Variants in TBCD observed in about 807,000 individuals in gnomAD.
TBCD encodes tubulin-specific chaperone D.
Under a neutral mutation model 169.3 loss-of-function variants are expected in TBCD, and 105 were observed. The observed-to-expected ratio is 0.62, with a 90% CI of 0.53 to 0.73. TBCD has a LOEUF of 0.73. Ranked by LOEUF, TBCD falls within the 30% of genes least tolerant of loss-of-function variation. The pLI, the probability that TBCD is intolerant of heterozygous loss-of-function variation, is 0.00. For synonymous variants in TBCD, 700 were observed against 643.9 expected, an observed-to-expected ratio of 1.09 and a Z score of -1.32; for missense variants, 1,444 against 1,600.1, an observed-to-expected ratio of 0.90 and a Z score of 1.66.
rs2048138638 is a variant in TBCD, at chr17:82,768,505, T to A, written c.521T>A (p.Leu174His). ...PFDFSRLDGN[L>H]LTQPGQARMS... Reference sequence around the variant, plus strand: ...GATTTTTCTCGCCTTGACGGGAACCTCCTCACCCAGCCTGGGCAAGCACGA... The same window carrying A: ...GATTTTTCTCGCCTTGACGGGAACCACCTCACCCAGCCTGGGCAAGCACGA... Residue 174 changes from leucine to histidine, a missense_variant, in exon 5 of 39, where the codon CTC becomes CAC. Leu to His is a moderately conservative substitution (Grantham distance 99). Transcript: ENST00000355528. 1.2e-6 allele frequency: 2 copies of A among 1,613,708 alleles called. No individual in the cohort carries two copies. The highest frequency in any genetic ancestry group is 1.7e-6 in the Non-Finnish European group (2 of 1,179,776).
chr17:82,808,566 G>A (rs1280828907), intron 11 of TBCD, among the ~76,000 whole-genome samples: 2 of 127,336 alleles, frequency 1.6e-5, no homozygotes, highest in African/African-American at 6.1e-5. Flanking sequence ...CCTGGGGGGC[G>A]GGTTGGCCCC....
At chr17:82,936,048 T>G (rs1445010965) in intron 34 of TBCD, among the ~76,000 whole-genome samples, 2 of 152,276 alleles carry the variant, frequency 1.3e-5, no homozygotes, top group African/African-American at 4.8e-5. Context: ...GAGTGTTACC[T>G]CTGAGTCTGC....
intron 13 of TBCD, chr17:82,838,633 C>T: frequency 1.0e-6 from 1 of 985,396 alleles, no homozygotes; most frequent in Non-Finnish European, 1.2e-6. Flanking sequence ...GTGAGTTTTA[C>T]TCCAATTGAG....
At chr17:82,916,041 C>T (rs140827787) in intron 23 of TBCD, among the ~76,000 whole-genome samples, 363 of 152,288 alleles carry the variant, frequency 2.4e-3, no homozygotes, top group Non-Finnish European at 4.0e-3. Context: ...TGTACAGATA[C>T]CCTGTTCTCT....
intron 20 of TBCD, among the ~76,000 whole-genome samples, chr17:82,907,549 AC>A (rs1382151111): frequency 6.6e-6 from 1 of 152,216 alleles, no homozygotes; most frequent in Admixed American, 6.5e-5. Context: ...GTAAAACAAT[AC>A]AGTAGAATAC....
chr17:82,892,332 A>C (rs556739344), intron 16 of TBCD, among the ~76,000 whole-genome samples: 26 of 152,294 alleles, frequency 1.7e-4, no homozygotes, highest in Admixed American at 1.2e-3. Flanking sequence ...GTCTTTCTGC[A>C]GAGTGAGCCG....
intron 12 of TBCD, among the ~76,000 whole-genome samples, chr17:82,812,468 C>A (rs967164397): frequency 2.0e-5 from 3 of 152,290 alleles, no homozygotes; most frequent in Admixed American, 1.3e-4. Flanking sequence ...ACCCCAGAGC[C>A]CCCCCGCAGG....
chr17:82,848,224 C>T (rs2055315761), intron 13 of TBCD, among the ~76,000 whole-genome samples: 1 of 152,174 alleles, frequency 6.6e-6, no homozygotes, highest in Admixed American at 6.6e-5. Context: ...GGGCTTCTGG[C>T]GGCTCTGCAG....
intron 13 of TBCD, among the ~76,000 whole-genome samples, chr17:82,848,514 C>G (rs1020625109): frequency 6.6e-6 from 1 of 152,218 alleles, no homozygotes; most frequent in Admixed American, 6.5e-5. Flanking sequence ...TTCTCACTCG[C>G]CTGACTCAGA....
chr17:82,830,472 G>A (rs376787014), intron 13 of TBCD: 14 of 1,612,828 alleles, frequency 8.7e-6, no homozygotes, highest in East Asian at 6.7e-5. Context: ...CCTCCTCGCC[G>A]GGGCCTGTGG....
At chr17:82,817,422 A>G (rs2052015648) in intron 13 of TBCD, among the ~76,000 whole-genome samples, 1 of 152,090 alleles carries the variant, frequency 6.6e-6, no homozygotes, top group African/African-American at 2.4e-5. Flanking sequence ...TCAGTCCCCT[A>G]AGTAGCTGGG....
intron 11 of TBCD, 89 bp downstream of exon 11, chr17:82,807,757 A>G: frequency 9.1e-7 from 1 of 1,098,182 alleles, no homozygotes; most frequent in Non-Finnish European, 1.2e-6. Flanking sequence ...ACAGCTTTGG[A>G]GTGGCAGCGC....
intron 13 of TBCD, among the ~76,000 whole-genome samples, chr17:82,868,275 C>T (rs954561422): frequency 1.3e-5 from 2 of 152,132 alleles, no homozygotes; most frequent in African/African-American, 2.4e-5. Context: ...GAAGCTGCAG[C>T]GCATCCAGGT....
rs577563443 is a variant in TBCD, at chr17:82,780,494, G to T, written c.639-1095G>T. ...GGGCTAATTAGCTGGGCATGGTGGC[G>T]TGCGCTTGTAGTCCCAGCTACTCGA... On this transcript the variant is annotated intron_variant, in intron 6 of 38. Transcript: ENST00000355528. 9.9e-5 allele frequency among the ~76,000 whole-genome samples: 15 copies of T among 152,006 alleles called. 1 individual carries two copies. In the East Asian group the frequency reaches 3.0e-3, roughly 30 times the overall value.
chr17:82,757,767 G>C (rs1369653881), intron 2 of TBCD, among the ~76,000 whole-genome samples: 1 of 152,168 alleles, frequency 6.6e-6, no homozygotes, highest in East Asian at 1.9e-4. Context: ...GTCAGCTGCA[G>C]GGAACATGAC....
chr17:82,938,987 C>T (rs2062885586), intron 36 of TBCD: 1 of 333,282 alleles, frequency 3.0e-6, no homozygotes, highest in Non-Finnish European at 5.6e-6. Flanking sequence ...GATTGCTTCT[C>T]TGGTGAGGGA....
Position 82,932,691 on chromosome 17 carries a change from C to G in TBCD, c.3147C>G (p.His1049Gln). 6.2e-7 allele frequency: 1 copy of G among 1,613,814 alleles called. No individual in the cohort carries two copies. Among genetic ancestry groups the G allele is most frequent in the African/African-American group, 1.3e-5 (1 of 75,002 alleles). Residue 1049 changes from histidine to glutamine, a missense_variant, in exon 34 of 39, where the codon CAC becomes CAG. Physicochemically the swap from His to Gln is conservative, Grantham distance 24 (BLOSUM62 0). Transcript: ENST00000355528. ...VSVPLLKTLD[H>Q]VLTHGCFDIF... The stretch of plus-strand genomic sequence containing the variant: ...TGCCGCTGCTGAAGACGCTGGACCA[C>G]GTGCTCACCCACGGCTGCTTCGACA...
At chr17:82,907,088 G>C (rs567912900) in intron 20 of TBCD, among the ~76,000 whole-genome samples, 2 of 152,356 alleles carry the variant, frequency 1.3e-5, no homozygotes, top group Non-Finnish European at 2.9e-5. Flanking sequence ...GGGCACCTCC[G>C]CCTGGCACGA....
intron 2 of TBCD, among the ~76,000 whole-genome samples, chr17:82,760,586 A>G (rs2143884127): frequency 1.3e-5 from 2 of 152,380 alleles, no homozygotes; most frequent in East Asian, 3.9e-4. Context: ...TGTAAATGGC[A>G]ACACTGTAAT....
Sources: gnomAD v4.1 joint callset for allele counts (sites outside exome capture counted in the v4.1 genomes callset) on GRCh38, gnomAD v4.1.1 for gene constraint, MANE v1.5 for transcripts, NCBI Gene and HGNC (gene_info 2026-07-23, HGNC 2026-07-21) for gene names.